Variants in ESCO2 observed in about 807,000 individuals in gnomAD.
ESCO2 encodes N-acetyltransferase ESCO2.
A neutral mutation model predicts 61.7 loss-of-function variants in ESCO2; 51 were observed. The ratio of observed to expected loss-of-function variants is 0.83; its 90% CI spans 0.66 to 1.04. The LOEUF (loss-of-function observed/expected upper bound fraction) is 1.04. Ranked by LOEUF, ESCO2 falls within the 50% of genes least tolerant of loss-of-function variation. The pLI is 0.00. For missense variants in ESCO2, 692 were observed against 686.2 expected (o/e 1.01, Z -0.09); for synonymous variants, 230 against 238.2 (o/e 0.97, Z 0.32).
rs143602869 is a variant in ESCO2, at chr8:27,786,209, G to A, written c.1014-1676G>A. 1.1e-4 allele frequency among the ~76,000 whole-genome samples: 17 copies of A among 152,334 alleles called. No individual in the cohort carries two copies. In the East Asian group the frequency reaches 1.5e-3, roughly 14 times the overall value. On this transcript the variant is annotated intron_variant, in intron 5 of 10. Coordinates refer to ENST00000305188, the MANE Select transcript of ESCO2 (RefSeq NM_001017420.3). ...ACTATGGGACTGAACGAAGGTGGAC[G>A]AACGCAGAAATGAAGACAAAGACAA...
intron 10 of ESCO2, among the ~76,000 whole-genome samples, chr8:27,802,301 G>GA (rs1805448277): frequency 6.6e-6 from 1 of 151,222 alleles, no homozygotes; most frequent in South Asian, 2.1e-4. Flanking sequence ...TGTTTACATT[G>GA]AAAAAATATA....
At chr8:27,783,039 C>T (rs1804960419) in intron 4 of ESCO2, among the ~76,000 whole-genome samples, 1 of 151,718 alleles carries the variant, frequency 6.6e-6, no homozygotes. Flanking sequence ...TTTTACAGTT[C>T]TGTGGGTTTT....
chr8:27,775,002 T>C (rs558015561), intron 1 of ESCO2, among the ~76,000 whole-genome samples: 18 of 152,284 alleles, frequency 1.2e-4, no homozygotes, highest in African/African-American at 3.8e-4. Flanking sequence ...ATAACGCTTG[T>C]GTGCTGCTTT....
Position 27,805,137 on chromosome 8 carries a change from CCGGGCGCGGTGG to C in ESCO2, c.*1707_*1718del, listed in dbSNP as rs569175896. 2.5e-4 allele frequency: 34 copies of C among 137,936 alleles called. No individual in the cohort carries two copies. In the South Asian group the frequency reaches 6.8e-3, roughly 28 times the overall value. The allele number at this position is 137,936 out of a possible 1,614,324, so 8.5% of individuals were successfully genotyped here. ...CTCTACTAAAAATACAAAAAATTAG[CCGGGCGCGGTGG>C]CGGGCGCCTGTAGTCCCAGCTACTC... On this transcript the variant is annotated 3_prime_UTR_variant, in exon 11 of 11. Coordinates refer to ENST00000305188, the MANE Select transcript of ESCO2 (RefSeq NM_001017420.3).
At chr8:27,772,476 G>A, upstream of ESCO2, 2 of 1,547,970 alleles carry the variant, frequency 1.3e-6, no homozygotes, top group Non-Finnish European at 8.7e-7. Context: ...GGAGCCCGCT[G>A]TCCAGCAGGG....
rs753857305 is a variant in ESCO2 at position 27,775,493 on chromosome 8, T to C, written c.-16-6T>C. 3 of 1,611,526 alleles carry C rather than the reference T, an allele frequency of 1.9e-6. No homozygotes were observed. The highest frequency in any genetic ancestry group is 1.3e-5 in the African/African-American group (1 of 74,866). On this transcript the variant is annotated splice_region_variant and splice_polypyrimidine_tract_variant and intron_variant, in intron 1 of 10. Transcript: ENST00000305188. Reference sequence around the variant, plus strand: ...TGATGAATGTGGTTATTGTCATTTCTTTTAGGAATTCAATAAAGAAAATGG... The same window carrying C: ...TGATGAATGTGGTTATTGTCATTTCCTTTAGGAATTCAATAAAGAAAATGG...
At chr8:27,792,939 G>A in intron 9 of ESCO2, 128 bp downstream of exon 9, 1 of 1,057,146 alleles carries the variant, frequency 9.5e-7, no homozygotes, top group Non-Finnish European at 1.3e-6. Flanking sequence ...CCTTGACCTA[G>A]TGGATAATTG....
intron 3 of ESCO2, chr8:27,777,538 GA>G: frequency 6.0e-6 from 1 of 167,148 alleles, no homozygotes; most frequent in South Asian, 1.5e-4. Flanking sequence ...GGGCTATAGT[GA>G]TCCACCTGCC....
chr8:27,803,577 C>CACACACAT lies in ESCO2; in HGVS notation c.*140_*141insCACACATA. On this transcript the variant is annotated 3_prime_UTR_variant, in exon 11 of 11. Transcript: ENST00000305188. ...ACACACACACACACACGCACACACA[C>CACACACAT]ATATCACAGTTTTGTTCCTTATGAG... 2 of 1,447,740 alleles carry CACACACAT rather than the reference C, an allele frequency of 1.4e-6. No homozygotes were observed. The highest frequency in any genetic ancestry group is 1.8e-6 in the Non-Finnish European group (2 of 1,108,578). 89.7% of individuals were successfully genotyped at this position (1,447,740 alleles called of 1,614,324 possible). A position where few individuals can be genotyped will look rare whatever the true frequency, so the allele number is the denominator to read the frequency against.
At position 27,777,076 on chromosome 8, in the gene ESCO2, G is replaced by A. The variant is rs372611248; in HGVS notation, c.768G>A (p.Ala256=). The A allele has an allele frequency of 1.9e-5, 30 of 1,605,144 alleles. No homozygotes were observed. The highest frequency in any genetic ancestry group is 1.7e-4 in the Middle Eastern group (1 of 6,014). Residue 256 remains alanine, a synonymous_variant, in exon 3 of 11, where the codon GCG becomes GCA. Transcript: ENST00000305188. ...CTGTCAGTGAAAAAAAAACTTTTGC[G>A]ACAAGGCAAGTGCCAAAGTGCTTGG... is the stretch of plus-strand genomic sequence containing the variant. ...VETVSEKKTF[A]TRQVPKCLVL...
intron 3 of ESCO2, chr8:27,778,156 A>T (rs1804841394): frequency 6.6e-6 from 1 of 152,242 alleles, no homozygotes; most frequent in South Asian, 2.1e-4. Context: ...ACATGGCAAT[A>T]ATCAGAGCTG....
Position 27,784,005 on chromosome 8 carries a change from C to T in ESCO2, c.961C>T (p.Pro321Ser), listed in dbSNP as rs751989099. 6.2e-7 allele frequency: 1 copy of T among 1,612,858 alleles called. No individual in the cohort carries two copies. The highest frequency in any genetic ancestry group is 1.1e-5 in the South Asian group (1 of 91,060). The change falls in exon 5 of 11, where the codon CCT (proline) becomes TCT (serine). Residue 321 changes from proline (P) to serine (S), a missense_variant. Physicochemically the swap from Pro to Ser is moderately conservative, Grantham distance 74. Coordinates refer to ENST00000305188, the MANE Select transcript of ESCO2 (RefSeq NM_001017420.3). Reference sequence around the variant, plus strand: ...CATGATTTTTCCCCTACCAGTTTCTCCTAAGTCCACTGTCTATCCAATCTT... The same window carrying T: ...CATGATTTTTCCCCTACCAGTTTCTTCTAAGTCCACTGTCTATCCAATCTT... Reference protein sequence around the residue: ...DSLGENKTISPKSTVYPIFSA... With the variant: ...DSLGENKTISSKSTVYPIFSA...
rs561818762 is a variant in ESCO2, at chr8:27,803,086, G to A, written c.1674-220G>A. On this transcript the variant is annotated intron_variant, in intron 10 of 10. Transcript: ENST00000305188. ...TTTACCATGGATATCCTAGAGTTAG[G>A]TGGATGGTTCCCTTTGCCTCTCATC... Among the ~76,000 whole-genome samples, 37 of 152,222 alleles carry A rather than the reference G, an allele frequency of 2.4e-4. No homozygotes were observed. In the South Asian group the frequency reaches 7.7e-3, roughly 32 times the overall value.
intron 8 of ESCO2, among the ~76,000 whole-genome samples, chr8:27,792,350 T>C (rs547695899): frequency 2.6e-5 from 4 of 152,324 alleles, no homozygotes; most frequent in Non-Finnish European, 5.9e-5. Context: ...TGCTTGTGTT[T>C]CTGAGGTTGA....
In ESCO2 at chr8:27,804,692, T is replaced by G. The variant is rs937886770; in HGVS notation, c.*1254T>G. ...TAGAAACTATTCATCTGCATTCATT[T>G]TATTTGCCTGTAAGTTAACATGTTT... is the stretch of plus-strand genomic sequence containing the variant. On this transcript the variant is annotated 3_prime_UTR_variant, in exon 11 of 11. Coordinates refer to ENST00000305188, the MANE Select transcript of ESCO2 (RefSeq NM_001017420.3). 1 of 985,336 alleles carries G rather than the reference T, an allele frequency of 1.0e-6. No homozygotes were observed. The highest frequency in any genetic ancestry group is 1.7e-5 in the African/African-American group (1 of 57,242). 61.0% of individuals were successfully genotyped at this position (985,336 alleles called of 1,614,324 possible). A position where few individuals can be genotyped will look rare whatever the true frequency, so the allele number is the denominator to read the frequency against.
At chr8:27,807,948 T>C (rs1805595217), downstream of ESCO2, among the ~76,000 whole-genome samples, 1 of 152,114 alleles carries the variant, frequency 6.6e-6, no homozygotes, top group South Asian at 2.1e-4. Context: ...GAAGGTGCCT[T>C]CTATGAGGAT....
intron 9 of ESCO2, among the ~76,000 whole-genome samples, chr8:27,795,309 AAGAT>A (rs1265762051): frequency 6.6e-6 from 1 of 152,078 alleles, no homozygotes; most frequent in Admixed American, 6.6e-5. Flanking sequence ...ACTTCTTTTT[AAGAT>A]AGATCATAGT....
chr8:27,776,305 T>C, intron 2 of ESCO2, 57 bp from the exon 3 acceptor site: 1 of 1,427,226 alleles, frequency 7.0e-7, no homozygotes, highest in Non-Finnish European at 9.7e-7. Context: ...TAGCAGTAGA[T>C]TTATGTAAAT....
At chr8:27,809,126 T>A (rs1359933091), downstream of ESCO2, among the ~76,000 whole-genome samples, 1 of 152,146 alleles carries the variant, frequency 6.6e-6, no homozygotes, top group East Asian at 1.9e-4. Context: ...GAGAAGCTGC[T>A]CTGTTGGCTT....
Sources: gnomAD v4.1 joint callset for allele counts (sites outside exome capture counted in the v4.1 genomes callset) on GRCh38, gnomAD v4.1.1 for gene constraint, MANE v1.5 for transcripts, NCBI Gene and HGNC (gene_info 2026-07-23, HGNC 2026-07-21) for gene names.